The following AK5 variants were observed in gnomAD, a reference collection of about 807,000 sequenced individuals.
AK5 encodes adenylate kinase 5.
In AK5, 27 loss-of-function variants were observed where a neutral mutation model predicts 69.5. The ratio of observed to expected loss-of-function variants is 0.39; its 90% confidence interval spans 0.29 to 0.54. AK5 has a LOEUF of 0.54. Among genes scored for constraint, AK5 ranks in the 20% least tolerant of loss-of-function variants. The probability of loss-of-function intolerance (pLI) is 0.71; values close to 1 mark genes in which losing one functional copy is unlikely to be tolerated. For missense variants in AK5, 531 were observed against 700.4 expected (o/e 0.76, Z 2.73); for synonymous variants, 260 against 244.4 (o/e 1.06, Z -0.60).
intron 5 of AK5, among the ~76,000 whole-genome samples, chr1:77,306,484 G>GTTTTTTTTTTTTTT (rs1553129847): frequency 7.4e-6 from 1 of 134,554 alleles, no homozygotes. Flanking sequence ...AATTTGCTAG[G>GTTTTTTTTTTTTTT]TTTTTTTTTG....
chr1:77,492,950 A>C (rs951841834), intron 10 of AK5, among the ~76,000 whole-genome samples: 1 of 152,194 alleles, frequency 6.6e-6, no homozygotes, highest in Non-Finnish European at 1.5e-5. Flanking sequence ...TGGACTATCA[A>C]GGTTATCAGA....
rs75165623 is a variant in AK5, at chr1:77,489,781, A to G, written c.1147+3429A>G. 3.7e-3 allele frequency among the ~76,000 whole-genome samples: 570 copies of G among 152,302 alleles called. 29 individuals are homozygous for G. In the East Asian group the frequency reaches 0.1, roughly 28 times the overall value. On this transcript the variant is annotated intron_variant, in intron 10 of 13. Coordinates refer to ENST00000354567, the MANE Select transcript of AK5 (RefSeq NM_174858.3). ...TATCCATTAGATCCTTTTTGTCCAC[A>G]GAAAGGTCCAGACTTCTTAGACTGG...
At chr1:77,414,725 C>T (rs1650278391) in intron 7 of AK5, among the ~76,000 whole-genome samples, 1 of 152,170 alleles carries the variant, frequency 6.6e-6, no homozygotes, top group African/African-American at 2.4e-5. Context: ...GAAAGCTACA[C>T]TATCACTTTT....
At chr1:77,443,992 G>T (rs935106089) in intron 8 of AK5, among the ~76,000 whole-genome samples, 1 of 150,930 alleles carries the variant, frequency 6.6e-6, no homozygotes, top group Non-Finnish European at 1.5e-5. Flanking sequence ...CCTGACTGCA[G>T]TACACTATTA....
chr1:77,463,050 T>A (rs539087306), intron 8 of AK5, among the ~76,000 whole-genome samples: 5 of 152,360 alleles, frequency 3.3e-5, no homozygotes, highest in Admixed American at 2.6e-4. Flanking sequence ...GGGATTCTCA[T>A]AAACATGGAT....
Position 77,558,630 on chromosome 1 carries a change from T to C in AK5, c.1649T>C (p.Val550Ala). ...AATGCAGAGGGAACACCAGAGGACG[T>C]TTTTCTTCAACTCTGCACAGCTATT... ...KINAEGTPED[V>A]FLQLCTAIDS... Residue 550 changes from valine (V) to alanine (A), a missense_variant, in exon 14 of 14, where the codon GTT (valine) becomes GCT (alanine). Transcript: ENST00000354567. The C allele has an allele frequency of 1.3e-6, 2 of 1,599,684 alleles. No individual in the cohort carries two copies. The highest frequency in any genetic ancestry group is 1.7e-4 in the Middle Eastern group (1 of 5,998).
At position 77,429,759 on chromosome 1, in the gene AK5, G is replaced by A. The variant is rs575816794; in HGVS notation, c.1059+12044G>A. Among the ~76,000 whole-genome samples the A allele has an allele frequency of 4.7e-4, 72 of 152,224 alleles. 1 individual carries two copies. Among genetic ancestry groups the A allele is most frequent in the Admixed American group, 1.0e-3 (16 of 15,286 alleles). ...CAGGCGTGAGCCACTGCACCTGGCG[G>A]GCAAGAGATTCTTGAATTGAGATCT... On this transcript the variant is annotated intron_variant, in intron 8 of 13. Transcript: ENST00000354567.
chr1:77,376,396 C>T (rs1210525086), intron 6 of AK5, among the ~76,000 whole-genome samples: 1 of 120,804 alleles, frequency 8.3e-6, no homozygotes, highest in Non-Finnish European at 1.6e-5. Flanking sequence ...TAGTGCAAAA[C>T]CAAGCCAAAA....
intron 13 of AK5, chr1:77,557,144 G>A (rs1177508281): frequency 6.5e-6 from 1 of 152,716 alleles, no homozygotes; most frequent in African/African-American, 2.4e-5. Flanking sequence ...GCTACTTTGG[G>A]AGTTTCCCTT....
At chr1:77,295,077 T>A (rs1182990829) in intron 3 of AK5, among the ~76,000 whole-genome samples, 2 of 152,152 alleles carry the variant, frequency 1.3e-5, no homozygotes, top group Non-Finnish European at 2.9e-5. Flanking sequence ...TCTATAACAA[T>A]CATGAAGAGA....
chr1:77,356,388 A>C (rs2815305), intron 6 of AK5, among the ~76,000 whole-genome samples: 146,746 of 152,212 alleles, frequency 0.96, 70,980 homozygotes, highest in East Asian at 1. Context: ...AGAGAAGAAT[A>C]TAGAAAAAAT....
chr1:77,452,474 G>A (rs540696143), intron 8 of AK5, among the ~76,000 whole-genome samples: 1 of 152,332 alleles, frequency 6.6e-6, no homozygotes, highest in South Asian at 2.1e-4. Flanking sequence ...TTAAATGTTT[G>A]GAGTAAGAGC....
chr1:77,354,224 T>C (rs968388531), intron 6 of AK5, among the ~76,000 whole-genome samples: 86 of 152,310 alleles, frequency 5.6e-4, no homozygotes, highest in African/African-American at 1.9e-3. Flanking sequence ...CTCTCCCTGC[T>C]CAACAACCCC....
chr1:77,492,016 A>T (rs1656034487), intron 10 of AK5, among the ~76,000 whole-genome samples: 1 of 152,174 alleles, frequency 6.6e-6, no homozygotes, highest in South Asian at 2.1e-4. Context: ...CTCAAGTCTG[A>T]AAAAAACCAC....
intron 12 of AK5, among the ~76,000 whole-genome samples, chr1:77,525,478 C>T (rs1038670032): frequency 6.6e-6 from 1 of 152,176 alleles, no homozygotes; most frequent in Non-Finnish European, 1.5e-5. Context: ...AGCTTCCACT[C>T]ACAGCGGAAG....
chr1:77,423,449 A>C (rs575654562), intron 8 of AK5, among the ~76,000 whole-genome samples: 1 of 152,160 alleles, frequency 6.6e-6, no homozygotes, highest in South Asian at 2.1e-4. Flanking sequence ...CATGTGAGGC[A>C]CTTAGAAGTT....
chr1:77,526,591 T>C (rs1220033640), intron 12 of AK5, among the ~76,000 whole-genome samples: 2 of 142,136 alleles, frequency 1.4e-5, no homozygotes, highest in African/African-American at 5.2e-5. Flanking sequence ...TTCTCCTGCC[T>C]CAGCCTCCCA....
chr1:77,361,930 C>A (rs1046347183), intron 6 of AK5, among the ~76,000 whole-genome samples: 1 of 152,090 alleles, frequency 6.6e-6, no homozygotes, highest in Admixed American at 6.6e-5. Flanking sequence ...GGTGGGGACA[C>A]AGCCAAATCA....
intron 11 of AK5, among the ~76,000 whole-genome samples, chr1:77,519,251 T>C (rs933148225): frequency 1.3e-5 from 2 of 152,164 alleles, no homozygotes; most frequent in Non-Finnish European, 2.9e-5. Flanking sequence ...CCTGCCACAC[T>C]GGGTCCCATG....
Sources: allele counts gnomAD v4.1 joint callset (sites outside exome capture counted in the v4.1 genomes callset), GRCh38; gene constraint gnomAD v4.1.1; transcripts MANE v1.5; gene names NCBI Gene and HGNC (gene_info 2026-07-23, HGNC 2026-07-21).